LTV1: variants seen among roughly 807,000 people sequenced by gnomAD.
LTV1 encodes the protein LTV1 ribosome biogenesis factor.
LTV1 carries 39 observed loss-of-function variants against 59.9 expected under a neutral mutation model. That is an observed-to-expected ratio of 0.65 (90% CI 0.50 to 0.85). The LOEUF (loss-of-function observed/expected upper bound fraction) is 0.85, where lower values mean the gene tolerates loss of function less well. LTV1 is among the 40% of genes least tolerant of loss of function. The pLI, the probability that LTV1 is intolerant of heterozygous loss-of-function variation, is 0.00. For missense variants in LTV1, 493 were observed against 549.1 expected, an observed-to-expected ratio of 0.90 and a Z score of 1.02; for synonymous variants, 171 against 189.5, an observed-to-expected ratio of 0.90 and a Z score of 0.80.
chr6:143,845,758 G>A (rs777699244), intron 2 of LTV1, among the ~76,000 whole-genome samples: 1 of 152,218 alleles, frequency 6.6e-6, no homozygotes, highest in African/African-American at 2.4e-5. Context: ...ATGTTGCACA[G>A]AAATGTCTAG....
At position 143,863,010 on chromosome 6, in the gene LTV1, C is replaced by T; in HGVS notation, c.1117-76C>T. The T allele has an allele frequency of 6.8e-7, 1 of 1,460,936 alleles. No homozygotes were observed. The highest frequency in any genetic ancestry group is 2.3e-5 in the East Asian group (1 of 44,082). The allele number at this position is 1,460,936 out of a possible 1,614,324, so 90.5% of individuals were successfully genotyped here. On this transcript the variant is annotated intron_variant, in intron 9 of 10. Coordinates refer to ENST00000367576, the MANE Select transcript of LTV1 (RefSeq NM_032860.5). This position sits in a 1 kb window ranked among gnomAD's most constrained non-coding sequence, Gnocchi z 4.5. Reference sequence around the variant, plus strand: ...GCTAGAGTGATATTAGAAAAAGCATCAACAGTATGTCATTAATGAGCTATT... The same window carrying T: ...GCTAGAGTGATATTAGAAAAAGCATTAACAGTATGTCATTAATGAGCTATT...
intron 3 of LTV1, among the ~76,000 whole-genome samples, chr6:143,847,433 C>G (rs1776912080): frequency 6.6e-6 from 1 of 152,210 alleles, no homozygotes; most frequent in South Asian, 2.1e-4. Context: ...ACGATCTCGG[C>G]TCACCGCAAC....
Position 143,857,800 on chromosome 6 carries a change from G to A in LTV1, c.588G>A (p.Glu196=). The change falls in exon 6 of 11, where the codon GAG becomes GAA. Residue 196 remains glutamate, a synonymous_variant. Coordinates refer to ENST00000367576, the MANE Select transcript of LTV1 (RefSeq NM_032860.5). The surrounding 1 kb of genome is among the most constrained non-coding windows in gnomAD (Gnocchi z 5.2). ...DDSEWEDVDD[E]KGDSNDDYDS... is the part of the protein sequence containing the mutation. ...GCGAGTGGGAAGATGTGGATGATGA[G>A]AAGGGAGATAGCAATGATGACTATG... The A allele has an allele frequency of 6.2e-7, 1 of 1,614,086 alleles. No homozygotes were observed. Among genetic ancestry groups the A allele is most frequent in the Non-Finnish European group, 8.5e-7 (1 of 1,179,940 alleles).
rs1347884451 is a variant in LTV1, at chr6:143,846,449, A to G, written c.309+225A>G. 2.0e-5 allele frequency among the ~76,000 whole-genome samples: 3 copies of G among 152,292 alleles called. No individual in the cohort carries two copies. In the East Asian group the frequency reaches 5.8e-4, roughly 29 times the overall value. On this transcript the variant is annotated intron_variant, in intron 3 of 10. Coordinates refer to ENST00000367576, the MANE Select transcript of LTV1 (RefSeq NM_032860.5). ...ACAGTAACAGCCTTTTTATAGGTTC[A>G]GAACTTTTGATTGATAGACATGGCC...
In LTV1 at chr6:143,857,696, T is replaced by G; in HGVS notation, c.540-56T>G. The G allele has an allele frequency of 6.3e-7, 1 of 1,590,326 alleles. No homozygotes were observed. Among genetic ancestry groups the G allele is most frequent in the South Asian group, 1.1e-5 (1 of 90,122 alleles). On this transcript the variant is annotated intron_variant, in intron 5 of 10. Coordinates refer to ENST00000367576, the MANE Select transcript of LTV1 (RefSeq NM_032860.5). This position sits in a 1 kb window ranked among gnomAD's most constrained non-coding sequence, Gnocchi z 5.2. ...TCCAATTTTACTTGTGTAAAGTGGT[T>G]TTGTTCTGTTACTTTTTAAGTTGTT...
chr6:143,853,696 C>G (rs1777024969), intron 4 of LTV1, among the ~76,000 whole-genome samples: 1 of 152,156 alleles, frequency 6.6e-6, no homozygotes, highest in Non-Finnish European at 1.5e-5. Context: ...TGAATTTTAT[C>G]AAAGGCCTTT....
At chr6:143,858,365 A>G (rs1287140439) in intron 6 of LTV1, 2 of 219,990 alleles carry the variant, frequency 9.1e-6, no homozygotes, top group African/African-American at 4.5e-5. Flanking sequence ...TATTCTCACT[A>G]ACTGTGGTAG....
chr6:143,862,371 T>C lies in LTV1; in HGVS notation c.1063+128T>C, dbSNP rs1777179300. The C allele has an allele frequency of 1.4e-6, 1 of 709,742 alleles. No homozygotes were observed. The highest frequency in any genetic ancestry group is 1.8e-5 in the African/African-American group (1 of 54,778). 44.0% of individuals were successfully genotyped at this position (709,742 alleles called of 1,614,324 possible). On this transcript the variant is annotated intron_variant, in intron 8 of 10. Coordinates refer to ENST00000367576, the MANE Select transcript of LTV1 (RefSeq NM_032860.5). The surrounding 1 kb of genome is among the most constrained non-coding windows in gnomAD (Gnocchi z 4.2). ...AGGCCGAGGCGGGTGGGTCACCTGA[T>C]GTCAGGAGTTCAAGACCAGCCTGGC...
chr6:143,854,023 G>A (rs7767865), intron 4 of LTV1, among the ~76,000 whole-genome samples: 151,030 of 152,354 alleles, frequency 0.99, 74,861 homozygotes, highest in East Asian at 1. Context: ...TTCAGAAGGA[G>A]TGGTATCAGC....
chr6:143,856,618 CTG>C (rs1193380840), intron 4 of LTV1, among the ~76,000 whole-genome samples: 1 of 152,144 alleles, frequency 6.6e-6, no homozygotes, highest in Non-Finnish European at 1.5e-5. Context: ...GATGGGGTTT[CTG>C]TGTGGACGTC....
chr6:143,849,807 G>A (rs1269626229), intron 3 of LTV1, among the ~76,000 whole-genome samples: 1 of 152,148 alleles, frequency 6.6e-6, no homozygotes, highest in African/African-American at 2.4e-5. Flanking sequence ...GGCTTAGAGG[G>A]AGAGGCTGTT....
At chr6:143,845,911 C>A in intron 2 of LTV1, 140 bp from the exon 3 acceptor site, 1 of 673,554 alleles carries the variant, frequency 1.5e-6, no homozygotes. Flanking sequence ...TCCCATCAGC[C>A]AAAATGTTCA....
chr6:143,843,904 G>A (rs1256009884), intron 1 of LTV1, among the ~76,000 whole-genome samples: 1 of 152,220 alleles, frequency 6.6e-6, no homozygotes, highest in Non-Finnish European at 1.5e-5. Context: ...AGAGCATAAG[G>A]TTGGGCCCAA....
chr6:143,854,435 G>T (rs181051124), intron 4 of LTV1, among the ~76,000 whole-genome samples: 1 of 151,908 alleles, frequency 6.6e-6, no homozygotes, highest in African/African-American at 2.4e-5. Context: ...AAGGGTTTTC[G>T]TGTCTCTATC....
rs1355531480 is a variant in LTV1, at chr6:143,862,599, T to C, written c.1064-245T>C. On this transcript the variant is annotated intron_variant, in intron 8 of 10. Coordinates refer to ENST00000367576, the MANE Select transcript of LTV1 (RefSeq NM_032860.5). The surrounding 1 kb of genome is among the most constrained non-coding windows in gnomAD (Gnocchi z 4.2). The stretch of plus-strand genomic sequence containing the variant: ...AAAACTCTGTCTAAAAAAAAACATA[T>C]ATCAACTTTGAAAAAATACATATAT... Among the ~76,000 whole-genome samples the C allele has an allele frequency of 1.3e-5, 2 of 152,012 alleles. No homozygotes were observed. Among genetic ancestry groups the C allele is most frequent in the African/African-American group, 2.4e-5 (1 of 41,404 alleles).
chr6:143,863,340 T>C lies in LTV1; in HGVS notation c.1317+54T>C. 1 of 1,598,358 alleles carries C rather than the reference T, an allele frequency of 6.3e-7. No homozygotes were observed. Among genetic ancestry groups the C allele is most frequent in the Non-Finnish European group, 8.6e-7 (1 of 1,168,348 alleles). ...TACAAAGAGCTGGTGGAGGGGAAAT[T>C]AGGGGAATTTTGTAAAAGCAGTCTG... On this transcript the variant is annotated intron_variant, in intron 10 of 10. Coordinates refer to ENST00000367576, the MANE Select transcript of LTV1 (RefSeq NM_032860.5). The surrounding 1 kb of genome is among the most constrained non-coding windows in gnomAD (Gnocchi z 4.5).
rs1777179235 is a variant in LTV1, at chr6:143,862,362, G to C, written c.1063+119G>C. The C allele has an allele frequency of 2.7e-6, 2 of 751,520 alleles. No individual in the cohort carries two copies. Among genetic ancestry groups the C allele is most frequent in the South Asian group, 4.1e-5 (2 of 48,882 alleles). 46.6% of individuals were successfully genotyped at this position (751,520 alleles called of 1,614,324 possible). On this transcript the variant is annotated intron_variant, in intron 8 of 10. Coordinates refer to ENST00000367576, the MANE Select transcript of LTV1 (RefSeq NM_032860.5). This position sits in a 1 kb window ranked among gnomAD's most constrained non-coding sequence, Gnocchi z 4.2. The stretch of plus-strand genomic sequence containing the variant: ...CACTTTGGGAGGCCGAGGCGGGTGG[G>C]TCACCTGATGTCAGGAGTTCAAGAC...
In LTV1 at chr6:143,860,065, T is replaced by C. The variant is rs4448116; in HGVS notation, c.796-361T>C. On this transcript the variant is annotated intron_variant, in intron 6 of 10. Transcript: ENST00000367576. The stretch of plus-strand genomic sequence containing the variant: ...CTGCAGTGAACTATGATCACGCCAC[T>C]GTACTCCAGGCTGGGAGACAGTGAG... 4.6e-3 allele frequency among the ~76,000 whole-genome samples: 705 copies of C among 152,282 alleles called. 10 individuals are homozygous for C. The highest frequency in any genetic ancestry group is 0.017 in the African/African-American group (687 of 41,542).
At position 143,856,827 on chromosome 6, in the gene LTV1, C is replaced by T. The variant is rs924896908; in HGVS notation, c.398-476C>T. 9.8e-5 allele frequency among the ~76,000 whole-genome samples: 15 copies of T among 152,324 alleles called. No individual in the cohort carries two copies. In the South Asian group the frequency reaches 2.3e-3, roughly 23 times the overall value. ...GGAAGCTTTGTCCCAGAGGGGTACC[C>T]GCCAGATGCCAACCAGAGCTCTCCT... On this transcript the variant is annotated intron_variant, in intron 4 of 10. Transcript: ENST00000367576.
Sources: gnomAD v4.1 joint callset for allele counts (sites outside exome capture counted in the v4.1 genomes callset) on GRCh38, gnomAD v4.1.1 for gene constraint, Gnocchi (gnomAD v3.1) non-coding constraint, MANE v1.5 for transcripts, NCBI Gene and HGNC (gene_info 2026-07-23, HGNC 2026-07-21) for gene names.